The following PTPRT variants were observed in gnomAD, a reference collection of about 807,000 sequenced individuals.
The protein encoded by PTPRT is receptor-type tyrosine-protein phosphatase T.
Under a neutral mutation model 176.8 loss-of-function variants are expected in PTPRT, and 56 were observed. That is an observed-to-expected ratio of 0.32 (90% CI 0.26 to 0.40). The LOEUF is 0.40. PTPRT is among the 10% of genes least tolerant of loss of function. PTPRT has a pLI of 1.00. For synonymous variants in PTPRT, 783 were observed against 739.0 expected (o/e 1.06, Z -0.96); for missense variants, 1,540 against 1,908.2 (o/e 0.81, Z 3.60).
intron 2 of PTPRT, among the ~76,000 whole-genome samples, chr20:42,798,888 C>T (rs2077490057): frequency 6.6e-6 from 1 of 151,862 alleles, no homozygotes; most frequent in Non-Finnish European, 1.5e-5. Flanking sequence ...TGAAGGCGCA[C>T]TGGTGGAGAG....
rs1040733629 is a variant in PTPRT, at chr20:42,617,871, T to A, written c.1153+59995A>T. On this transcript the variant is annotated intron_variant, in intron 7 of 30. Transcript: ENST00000373187. ...CTTGATAGTGGTCTATCAATTTTGTTGATCCTTTCAAAAAACCAGCTCCTG... is the reference window on the plus strand; with the variant it reads ...CTTGATAGTGGTCTATCAATTTTGTAGATCCTTTCAAAAAACCAGCTCCTG... Among the ~76,000 whole-genome samples, 3 of 138,882 alleles carry A rather than the reference T, an allele frequency of 2.2e-5. 1 individual carries two copies. Among genetic ancestry groups the A allele is most frequent in the African/African-American group, 9.3e-5 (3 of 32,122 alleles). 91.1% of individuals were successfully genotyped at this position (138,882 alleles called of 152,430 possible).
intron 1 of PTPRT, among the ~76,000 whole-genome samples, chr20:43,101,097 A>G (rs897761516): frequency 6.6e-6 from 1 of 152,204 alleles, no homozygotes; most frequent in Non-Finnish European, 1.5e-5. Context: ...TTAATGCCAC[A>G]TAAACACATG....
chr20:42,539,800 T>C (rs912522089), intron 7 of PTPRT, among the ~76,000 whole-genome samples: 5 of 152,034 alleles, frequency 3.3e-5, no homozygotes, highest in Non-Finnish European at 7.4e-5. Flanking sequence ...GGACACTATA[T>C]ATTAGAAGCC....
At chr20:42,894,232 G>A (rs1159635980) in intron 1 of PTPRT, among the ~76,000 whole-genome samples, 2 of 152,092 alleles carry the variant, frequency 1.3e-5, no homozygotes, top group Admixed American at 6.6e-5. Context: ...ATTTGCGAGA[G>A]GACCAGAATG....
At chr20:43,183,136 A>G (rs1261412692) in intron 1 of PTPRT, among the ~76,000 whole-genome samples, 1 of 152,242 alleles carries the variant, frequency 6.6e-6, no homozygotes, top group Non-Finnish European at 1.5e-5. Context: ...ATAGTCTTAA[A>G]CTTTTGCATT....
intron 7 of PTPRT, among the ~76,000 whole-genome samples, chr20:42,614,156 T>C (rs1427178353): frequency 1.3e-5 from 2 of 152,112 alleles, no homozygotes; most frequent in African/African-American, 4.8e-5. Flanking sequence ...CTGGTGTTTC[T>C]TGGCTTGCAG....
At chr20:42,896,744 G>A (rs1049639414) in intron 1 of PTPRT, among the ~76,000 whole-genome samples, 1 of 151,900 alleles carries the variant, frequency 6.6e-6, no homozygotes, top group African/African-American at 2.4e-5. Flanking sequence ...CAGTGCCCTT[G>A]AAGCCAATCC....
At chr20:42,306,684 C>T (rs539137179) in intron 12 of PTPRT, among the ~76,000 whole-genome samples, 25 of 152,260 alleles carry the variant, frequency 1.6e-4, no homozygotes, top group Admixed American at 1.0e-3. Context: ...GCTCAGCTAC[C>T]GATGGGTGGT....
chr20:42,898,698 T>C (rs1443109451), intron 1 of PTPRT, among the ~76,000 whole-genome samples: 1 of 152,060 alleles, frequency 6.6e-6, no homozygotes, highest in East Asian at 1.9e-4. Context: ...AAAAAGAACA[T>C]CATGGGGTAT....
intron 12 of PTPRT, among the ~76,000 whole-genome samples, chr20:42,310,301 C>T (rs1210561555): frequency 6.6e-6 from 1 of 151,860 alleles, no homozygotes; most frequent in Non-Finnish European, 1.5e-5. Context: ...ATGAAGGATA[C>T]CCAGAAATTA....
rs777282462 is a variant in PTPRT, at chr20:42,472,339, C to T, written c.1377G>A (p.Arg459=). ...CGGGGTTAGACAGCAAGAGTCGCAGCCGGATGGTCATGAAGGGGCGCAGGC... is the reference window on the plus strand; with the variant it reads ...CGGGGTTAGACAGCAAGAGTCGCAGTCGGATGGTCATGAAGGGGCGCAGGC... ...LRGLRPFMTI[R]LRLLLSNPEG... is the part of the protein sequence containing the mutation. Residue 459 remains arginine (R), a synonymous_variant, in exon 8 of 31, where the codon CGG becomes CGA. Transcript: ENST00000373187. 1.2e-6 allele frequency: 2 copies of T among 1,614,204 alleles called. No homozygotes were observed. Among genetic ancestry groups the T allele is most frequent in the South Asian group, 2.2e-5 (2 of 91,082 alleles).
chr20:42,933,842 T>C (rs1213613234), intron 1 of PTPRT, among the ~76,000 whole-genome samples: 1 of 152,206 alleles, frequency 6.6e-6, no homozygotes, highest in East Asian at 1.9e-4. Context: ...GCTGAGAAGA[T>C]GTGACTGTCA....
At chr20:42,308,004 G>T (rs2057569836) in intron 12 of PTPRT, among the ~76,000 whole-genome samples, 3 of 152,086 alleles carry the variant, frequency 2.0e-5, no homozygotes, top group Admixed American at 2.0e-4. Context: ...ACTTCTACCG[G>T]CACCATGACA....
intron 1 of PTPRT, among the ~76,000 whole-genome samples, chr20:42,887,565 TTA>T (rs1360569069): frequency 1.3e-5 from 2 of 152,194 alleles, no homozygotes; most frequent in African/African-American, 4.8e-5. Context: ...CATGTGCTCA[TTA>T]ACATCACACT....
At chr20:42,525,424 G>T (rs1180245731) in intron 7 of PTPRT, among the ~76,000 whole-genome samples, 6 of 152,130 alleles carry the variant, frequency 3.9e-5, no homozygotes, top group African/African-American at 7.2e-5. Context: ...GAAACTCAAG[G>T]TTCTTTTTAT....
At chr20:42,906,026 C>G (rs2079472634) in intron 1 of PTPRT, among the ~76,000 whole-genome samples, 1 of 152,120 alleles carries the variant, frequency 6.6e-6, no homozygotes, top group African/African-American at 2.4e-5. Context: ...TGTATCGAAC[C>G]TGCACGTTGT....
At chr20:42,260,432 G>A (rs961283312) in intron 13 of PTPRT, among the ~76,000 whole-genome samples, 1 of 152,172 alleles carries the variant, frequency 6.6e-6, no homozygotes, top group Non-Finnish European at 1.5e-5. Context: ...GCCTGCACTG[G>A]GGATTAAGGG....
intron 2 of PTPRT, among the ~76,000 whole-genome samples, chr20:42,856,365 C>G (rs539042067): frequency 6.6e-6 from 1 of 152,024 alleles, no homozygotes; most frequent in Non-Finnish European, 1.5e-5. Context: ...GGGAAAAGTA[C>G]AAGACTTAAA....
At chr20:42,471,589 A>C (rs929272335) in intron 8 of PTPRT, among the ~76,000 whole-genome samples, 25 of 152,122 alleles carry the variant, frequency 1.6e-4, no homozygotes, top group African/African-American at 6.0e-4. Flanking sequence ...TGAGCCAATT[A>C]AACCTCCTTT....
Sources: gnomAD v4.1 joint callset for allele counts (sites outside exome capture counted in the v4.1 genomes callset) on GRCh38, gnomAD v4.1.1 for gene constraint, MANE v1.5 for transcripts, NCBI Gene and HGNC (gene_info 2026-07-23, HGNC 2026-07-21) for gene names.